Variants in DLG2 observed in about 807,000 individuals in gnomAD.
The protein encoded by DLG2 is discs large MAGUK scaffold protein 2.
In DLG2, 45 loss-of-function variants were observed where a neutral mutation model predicts 132.5. That is an observed-to-expected ratio of 0.34 (90% CI 0.27 to 0.44). DLG2 has a LOEUF of 0.44. Among genes scored for constraint, DLG2 ranks in the 20% least tolerant of loss-of-function variants. DLG2 has a pLI of 1.00. For synonymous variants in DLG2, 424 were observed against 419.6 expected, an observed-to-expected ratio of 1.01 and a Z score of -0.13; for missense variants, 1,045 against 1,196.9, an observed-to-expected ratio of 0.87 and a Z score of 1.87.
intron 7 of DLG2, among the ~76,000 whole-genome samples, chr11:84,278,625 A>C (rs1297061044): frequency 6.6e-6 from 1 of 152,196 alleles, no homozygotes; most frequent in Admixed American, 6.5e-5. Context: ...AAAAAGGATA[A>C]TGCATCATGA....
chr11:83,896,339 T>C (rs748401521), intron 15 of DLG2, among the ~76,000 whole-genome samples: 1 of 152,228 alleles, frequency 6.6e-6, no homozygotes, highest in African/African-American at 2.4e-5. Flanking sequence ...CAGGACATTA[T>C]AGGGTTTACT....
At chr11:83,920,677 G>A (rs1053859923) in intron 15 of DLG2, among the ~76,000 whole-genome samples, 1 of 152,096 alleles carries the variant, frequency 6.6e-6, no homozygotes, top group Non-Finnish European at 1.5e-5. Context: ...ATTGCTCTCA[G>A]CACTTTATAT....
intron 3 of DLG2, among the ~76,000 whole-genome samples, chr11:85,412,609 A>C (rs192038689): frequency 6.6e-6 from 1 of 151,614 alleles, no homozygotes; most frequent in Admixed American, 6.6e-5. Context: ...ATGAGTGAGA[A>C]CATATGATGT....
chr11:85,389,858 G>T lies in DLG2; in HGVS notation c.41-104493C>A, dbSNP rs143929358. ...GCCAGCACTATAAGAATTACTAAAA[G>T]GAGCTCTAAATCTTGAAACAAATCC... On this transcript the variant is annotated intron_variant, in intron 3 of 27. Transcript: ENST00000376104. Among the ~76,000 whole-genome samples, 380 of 152,186 alleles carry T rather than the reference G, an allele frequency of 2.5e-3. 1 individual carries two copies. The highest frequency in any genetic ancestry group is 8.9e-3 in the African/African-American group (368 of 41,536).
intron 3 of DLG2, among the ~76,000 whole-genome samples, chr11:85,540,721 A>T (rs2075907386): frequency 6.6e-6 from 1 of 152,222 alleles, no homozygotes; most frequent in African/African-American, 2.4e-5. Flanking sequence ...GCACACTGTG[A>T]CACACACCCA....
At chr11:84,021,169 C>T (rs1444801300) in intron 11 of DLG2, among the ~76,000 whole-genome samples, 2 of 152,142 alleles carry the variant, frequency 1.3e-5, no homozygotes, top group Non-Finnish European at 2.9e-5. Context: ...TATACTATTA[C>T]ATTACTTAAA....
At chr11:84,658,159 C>T (rs558589337) in intron 6 of DLG2, among the ~76,000 whole-genome samples, 8 of 152,118 alleles carry the variant, frequency 5.3e-5, no homozygotes, top group South Asian at 2.1e-4. Context: ...AATGTATACA[C>T]GATGATTTAA....
chr11:83,513,040 T>A (rs1045488706), intron 21 of DLG2, among the ~76,000 whole-genome samples: 1 of 152,236 alleles, frequency 6.6e-6, no homozygotes, highest in Non-Finnish European at 1.5e-5. Context: ...CCTTTGGGTA[T>A]ATACCCAGTA....
At chr11:84,821,625 T>C (rs1477725317) in intron 6 of DLG2, among the ~76,000 whole-genome samples, 15 of 113,442 alleles carry the variant, frequency 1.3e-4, no homozygotes, top group South Asian at 5.5e-4. Flanking sequence ...GTTCATACAA[T>C]GTAAAAAAAA....
chr11:85,031,656 C>T (rs1278128619), intron 6 of DLG2, among the ~76,000 whole-genome samples: 1 of 152,082 alleles, frequency 6.6e-6, no homozygotes, highest in African/African-American at 2.4e-5. Flanking sequence ...AGACCACACT[C>T]CTCTATCAAC....
intron 6 of DLG2, among the ~76,000 whole-genome samples, chr11:85,073,706 G>A (rs967163334): frequency 6.6e-6 from 1 of 151,806 alleles, no homozygotes; most frequent in Admixed American, 6.6e-5. Context: ...GTTTCAAGAA[G>A]TAGGATATTG....
intron 3 of DLG2, among the ~76,000 whole-genome samples, chr11:85,354,552 T>TC (rs1221755905): frequency 2.0e-5 from 3 of 151,678 alleles, no homozygotes; most frequent in African/African-American, 7.2e-5. Flanking sequence ...GCCAATACAT[T>TC]TTTTTTTTCA....
intron 3 of DLG2, among the ~76,000 whole-genome samples, chr11:85,375,445 G>A (rs1229752216): frequency 2.0e-5 from 3 of 152,140 alleles, no homozygotes; most frequent in South Asian, 4.1e-4. Flanking sequence ...CTGGGAGGCT[G>A]AGGCAGGAGG....
chr11:85,259,308 C>T lies in DLG2; in HGVS notation c.186+25912G>A, dbSNP rs188431665. 2.3e-3 allele frequency among the ~76,000 whole-genome samples: 349 copies of T among 152,222 alleles called. 2 individuals are homozygous for T. The highest frequency in any genetic ancestry group is 8.1e-3 in the African/African-American group (338 of 41,534). ...CATCATTTGAAGATGCATCTGCTTCCCCTTTGCCTTCCACCATGATTGTAA... is the reference window on the plus strand; with the variant it reads ...CATCATTTGAAGATGCATCTGCTTCTCCTTTGCCTTCCACCATGATTGTAA... On this transcript the variant is annotated intron_variant, in intron 4 of 27. Coordinates refer to ENST00000376104, the MANE Select transcript of DLG2 (RefSeq NM_001142699.3).
rs548801555 is a variant in DLG2 at position 84,685,717 on chromosome 11, T to C, written c.358-150986A>G. Among the ~76,000 whole-genome samples, 22 of 152,286 alleles carry C rather than the reference T, an allele frequency of 1.4e-4. No homozygotes were observed. The East Asian group carries it at 4.1e-3, about 28-fold the overall frequency. On this transcript the variant is annotated intron_variant, in intron 6 of 27. Transcript: ENST00000376104. Reference sequence around the variant, plus strand: ...TGCTCTGTATTTTCTGTATCCTTTTTTTTTTTGAGACGGAGTCTCGCTCTG... The same window carrying C: ...TGCTCTGTATTTTCTGTATCCTTTTCTTTTTTGAGACGGAGTCTCGCTCTG...
chr11:84,195,258 G>A (rs1323976381), intron 8 of DLG2, among the ~76,000 whole-genome samples: 1 of 152,210 alleles, frequency 6.6e-6, no homozygotes, highest in East Asian at 1.9e-4. Flanking sequence ...CCGCCTCCCA[G>A]GTTCAAGCAA....
chr11:85,266,110 C>T (rs1020317142), intron 4 of DLG2, among the ~76,000 whole-genome samples: 2 of 152,238 alleles, frequency 1.3e-5, no homozygotes, highest in Admixed American at 1.3e-4. Flanking sequence ...TGTCCATAGA[C>T]AGTGTAGCTA....
intron 3 of DLG2, among the ~76,000 whole-genome samples, chr11:85,449,391 T>G (rs1235440009): frequency 1.3e-5 from 2 of 152,046 alleles, no homozygotes. Context: ...CTATCCTTTA[T>G]TTCATTAATT....
chr11:84,014,561 G>A (rs999019836), intron 11 of DLG2, among the ~76,000 whole-genome samples: 4 of 152,204 alleles, frequency 2.6e-5, no homozygotes, highest in South Asian at 2.1e-4. Flanking sequence ...TATTGACTAC[G>A]TACCATGTGC....
Sources: allele counts gnomAD v4.1 joint callset (sites outside exome capture counted in the v4.1 genomes callset), GRCh38; gene constraint gnomAD v4.1.1; transcripts MANE v1.5; gene names NCBI Gene and HGNC (gene_info 2026-07-23, HGNC 2026-07-21).